The following AACS variants were observed in gnomAD, a reference collection of about 807,000 sequenced individuals.
The protein encoded by AACS is acetoacetate-CoA ligase.
In AACS, 69 loss-of-function variants were observed where a neutral mutation model predicts 83.1. That is an observed-to-expected ratio of 0.83 (90% CI 0.68 to 1.01). The LOEUF is 1.01. Ranked by LOEUF, AACS falls within the 50% of genes least tolerant of loss-of-function variation. The probability of loss-of-function intolerance (pLI) is 0.00; values close to 1 mark genes in which losing one functional copy is unlikely to be tolerated. For synonymous variants in AACS, 333 were observed against 343.4 expected (o/e 0.97, Z 0.33); for missense variants, 866 against 882.2 (o/e 0.98, Z 0.23).
chr12:125,112,459 T>C (rs1956973007), intron 8 of AACS, among the ~76,000 whole-genome samples: 1 of 151,886 alleles, frequency 6.6e-6, no homozygotes, highest in Admixed American at 6.6e-5. Flanking sequence ...GGTGGGCAGA[T>C]CACAAGGTAA....
Position 125,136,822 on chromosome 12 carries a change from G to GC in AACS, c.1840dup (p.Arg614ProfsTer55). ...ACGCCATCCGCATGGGCTTGTCTGC[G>GC]CGACACGTGCCCAGCCTCATCCTGG... On this transcript the variant is annotated frameshift_variant, in exon 17 of 18. Transcript: ENST00000316519. LOFTEE classifies it high-confidence loss of function. The GC allele has an allele frequency of 6.2e-7, 1 of 1,613,840 alleles. No homozygotes were observed. The highest frequency in any genetic ancestry group is 8.5e-7 in the Non-Finnish European group (1 of 1,180,040).
At chr12:125,090,751 C>T (rs540172446) in intron 4 of AACS, among the ~76,000 whole-genome samples, 21 of 152,262 alleles carry the variant, frequency 1.4e-4, no homozygotes, top group South Asian at 4.1e-4. Flanking sequence ...ATCTGCCAGC[C>T]GGCAAATATA....
chr12:125,075,781 A>C (rs1258140460), intron 2 of AACS, among the ~76,000 whole-genome samples: 2 of 148,470 alleles, frequency 1.3e-5, no homozygotes, highest in African/African-American at 5.0e-5. Context: ...TTTAGTAGAG[A>C]TGGAGTTTCA....
chr12:125,092,322 A>G (rs760277688), intron 5 of AACS, among the ~76,000 whole-genome samples: 1 of 152,252 alleles, frequency 6.6e-6, no homozygotes, highest in Admixed American at 6.5e-5. Flanking sequence ...TCCGTCAGTC[A>G]GCAGCACCAG....
intron 3 of AACS, among the ~76,000 whole-genome samples, chr12:125,081,511 C>T (rs531071086): frequency 1.8e-4 from 28 of 152,286 alleles, no homozygotes; most frequent in Non-Finnish European, 2.9e-4. Flanking sequence ...CAGGTGCTCA[C>T]GGAGCTCTGC....
At chr12:125,086,532 G>A in intron 4 of AACS, 89 bp downstream of exon 4, 1 of 1,194,318 alleles carries the variant, frequency 8.4e-7, no homozygotes. Flanking sequence ...TCAAATAAGG[G>A]GGAGTCATGT....
rs189966894 is a variant in AACS at position 125,084,466 on chromosome 12, C to T, written c.359-1864C>T. 2.8e-4 allele frequency among the ~76,000 whole-genome samples: 43 copies of T among 151,346 alleles called. 1 individual carries two copies. Among genetic ancestry groups the T allele is most frequent in the Admixed American group, 2.3e-3 (35 of 15,162 alleles). On this transcript the variant is annotated intron_variant, in intron 3 of 17. Transcript: ENST00000316519. ...TTGCTCAGGCTGGAGTGCAGTGGTA[C>T]GAACATAGGTCACTGCAGCCTTAAA...
At chr12:125,084,853 A>C (rs941600962) in intron 3 of AACS, among the ~76,000 whole-genome samples, 1 of 152,126 alleles carries the variant, frequency 6.6e-6, no homozygotes, top group Non-Finnish European at 1.5e-5. Flanking sequence ...AAGCGCTGGC[A>C]TTACAGGCAT....
At chr12:125,117,174 G>A (rs1957069045) in intron 9 of AACS, among the ~76,000 whole-genome samples, 1 of 152,146 alleles carries the variant, frequency 6.6e-6, no homozygotes, top group Admixed American at 6.5e-5. Flanking sequence ...CACTTTGGGA[G>A]GATGAGGTAG....
rs768647856 is a variant in AACS, at chr12:125,142,179, C to T, written c.1969C>T (p.Pro657Ser). The change falls in exon 18 of 18, where the codon CCC (proline) becomes TCC (serine). Residue 657 changes from proline to serine, a missense_variant. By Grantham distance (74) the Pro-to-Ser change is moderately conservative. Coordinates refer to ENST00000316519, the MANE Select transcript of AACS (RefSeq NM_023928.5). ...AVEQGGAFSN[P>S]ETLDLYRDIP... ...GGAGCAAGGAGGTGCTTTCTCGAAC[C>T]CCGAGACCCTGGATCTGTACCGGGA... is the stretch of plus-strand genomic sequence containing the variant. 150 of 1,614,040 alleles carry T rather than the reference C, an allele frequency of 9.3e-5. No homozygotes were observed. Among genetic ancestry groups the T allele is most frequent in the Non-Finnish European group, 1.2e-4 (147 of 1,180,048 alleles).
intron 4 of AACS, among the ~76,000 whole-genome samples, chr12:125,089,095 C>T (rs534263024): frequency 1.3e-5 from 2 of 152,300 alleles, no homozygotes; most frequent in East Asian, 3.9e-4. Context: ...GGTTAAGCAG[C>T]CTCCCCTGGG....
chr12:125,117,931 C>T (rs1175762869), intron 9 of AACS: 1 of 151,946 alleles, frequency 6.6e-6, no homozygotes, highest in Admixed American at 6.6e-5. Flanking sequence ...CTGCAGTGAG[C>T]TCTGATTGTG....
At chr12:125,071,414 C>A (rs1273685614) in intron 1 of AACS, among the ~76,000 whole-genome samples, 2 of 152,184 alleles carry the variant, frequency 1.3e-5, no homozygotes, top group Non-Finnish European at 2.9e-5. Context: ...TCACTTTTCT[C>A]AGGAGAAGCC....
chr12:125,091,490 C>G lies in AACS; in HGVS notation c.537C>G (p.Ile179Met). 1 of 1,614,280 alleles carries G rather than the reference C, an allele frequency of 6.2e-7. No individual in the cohort carries two copies. Residue 179 changes from isoleucine (I) to methionine (M), a missense_variant, in exon 5 of 18, where the codon ATC becomes ATG. Coordinates refer to ENST00000316519, the MANE Select transcript of AACS (RefSeq NM_023928.5). ...TGGCTGCGGCAAGCATTGGTGCCAT[C>G]TGGAGCTCCACGTCCCCGGACTTCG... ...AMLAAASIGA[I>M]WSSTSPDFGV...
At chr12:125,134,923 A>G (rs2136139519) in intron 16 of AACS, 71 bp downstream of exon 16, 1 of 1,574,360 alleles carries the variant, frequency 6.4e-7, no homozygotes, top group Non-Finnish European at 8.7e-7. Flanking sequence ...GAGCCCCAGG[A>G]GCCCCACCTT....
At chr12:125,079,580 A>T (rs1956117028) in intron 3 of AACS, among the ~76,000 whole-genome samples, 1 of 151,838 alleles carries the variant, frequency 6.6e-6, no homozygotes, top group Admixed American at 6.6e-5. Flanking sequence ...GTAGAAATGA[A>T]GTTTTGCCAT....
At chr12:125,114,370 C>A in intron 8 of AACS, 107 bp from the exon 9 acceptor site, 2 of 831,868 alleles carry the variant, frequency 2.4e-6, no homozygotes, top group Non-Finnish European at 1.9e-6. Context: ...TGGGGATCTG[C>A]TGGGGCTTCT....
rs577096805 is a variant in AACS, at chr12:125,094,324, T to G, written c.570+2801T>G. Reference sequence around the variant, plus strand: ...AAGCGTGAATGTCTTCCCTTTGGAATCATGTTTTCTCTTGCTTTGAAATTA... The same window carrying G: ...AAGCGTGAATGTCTTCCCTTTGGAAGCATGTTTTCTCTTGCTTTGAAATTA... On this transcript the variant is annotated intron_variant, in intron 5 of 17. Transcript: ENST00000316519. This position sits in a 1 kb window ranked among gnomAD's most constrained non-coding sequence, Gnocchi z 4.1. Among the ~76,000 whole-genome samples, 17 of 152,364 alleles carry G rather than the reference T, an allele frequency of 1.1e-4. No homozygotes were observed. The highest frequency in any genetic ancestry group is 4.1e-4 in the South Asian group (2 of 4,832).
intron 1 of AACS, among the ~76,000 whole-genome samples, chr12:125,067,258 G>C (rs960441855): frequency 1.3e-5 from 2 of 152,262 alleles, no homozygotes; most frequent in Admixed American, 6.5e-5. Flanking sequence ...TGCCCCAGGG[G>C]CTTCTGGACA....
Sources: allele counts gnomAD v4.1 joint callset (sites outside exome capture counted in the v4.1 genomes callset), GRCh38; gene constraint gnomAD v4.1.1; non-coding constraint Gnocchi (gnomAD v3.1); transcripts MANE v1.5; gene names NCBI Gene and HGNC (gene_info 2026-07-23, HGNC 2026-07-21).